Variants in ENTREP2 observed in about 807,000 individuals in gnomAD.
ENTREP2 encodes the protein endosomal transmembrane epsin interactor 2.
chr15:29,223,154 A>T, the ENTREP2 span, among the ~76,000 whole-genome samples: 3 of 152,242 alleles, frequency 2.0e-5, no homozygotes, highest in South Asian at 6.2e-4. Flanking sequence ...TTTAAAGTTT[A>T]CTTTCTTTTA....
the ENTREP2 span, among the ~76,000 whole-genome samples, chr15:29,286,217 T>C: frequency 1.6e-4 from 24 of 152,256 alleles, no homozygotes; most frequent in Non-Finnish European, 3.1e-4. Flanking sequence ...AGTTACAAGA[T>C]TGGGGAAAAA....
chr15:29,615,726 C>T, the ENTREP2 span, among the ~76,000 whole-genome samples: 74 of 152,278 alleles, frequency 4.9e-4, no homozygotes, highest in African/African-American at 1.7e-3. Flanking sequence ...TTGTCCTACC[C>T]TACACTTCAG....
the ENTREP2 span, among the ~76,000 whole-genome samples, chr15:29,471,542 G>A: frequency 3.3e-5 from 5 of 152,274 alleles, no homozygotes; most frequent in African/African-American, 1.2e-4. Context: ...AGGAAGGGCT[G>A]GCAGATCCCT....
At chr15:29,664,139 T>C in the ENTREP2 span, among the ~76,000 whole-genome samples, 2 of 152,242 alleles carry the variant, frequency 1.3e-5, no homozygotes, top group African/African-American at 4.8e-5. Context: ...TCCTTTGTGC[T>C]ATAAACGTTA....
the ENTREP2 span, among the ~76,000 whole-genome samples, chr15:29,316,658 A>T: frequency 2.0e-5 from 3 of 152,202 alleles, no homozygotes; most frequent in Non-Finnish European, 4.4e-5. Context: ...GCTATAGCTG[A>T]GTAATGGATG....
chr15:29,188,408 C>T, the ENTREP2 span, among the ~76,000 whole-genome samples: 1 of 152,044 alleles, frequency 6.6e-6, no homozygotes, highest in African/African-American at 2.4e-5. Flanking sequence ...GCTCTCCCTC[C>T]CCTTGCCCCC....
At chr15:29,415,621 T>C in the ENTREP2 span, among the ~76,000 whole-genome samples, 1 of 152,140 alleles carries the variant, frequency 6.6e-6, no homozygotes, top group Admixed American at 6.6e-5. Context: ...ACCACTCCTA[T>C]TCAACATAGT....
At chr15:29,570,426 G>T in the ENTREP2 span, 4 of 989,520 alleles carry the variant, frequency 4.0e-6, no homozygotes, top group Non-Finnish European at 5.1e-6. Context: ...CCGCGGTGGC[G>T]TCCCGGCGGC....
At chr15:29,300,597 CA>C in the ENTREP2 span, among the ~76,000 whole-genome samples, 1 of 152,068 alleles carries the variant, frequency 6.6e-6, no homozygotes, top group Non-Finnish European at 1.5e-5. Context: ...AGGTACAGAA[CA>C]TAGTCTTTTT....
the ENTREP2 span, among the ~76,000 whole-genome samples, chr15:29,132,092 C>G: frequency 6.6e-6 from 1 of 152,154 alleles, no homozygotes; most frequent in Middle Eastern, 3.2e-3. Context: ...CCGACAGAGC[C>G]CGCCTTCTGC....
the ENTREP2 span, among the ~76,000 whole-genome samples, chr15:29,474,956 C>A: frequency 1.3e-5 from 2 of 152,086 alleles, no homozygotes; most frequent in Non-Finnish European, 2.9e-5. Context: ...CCCCATTTTC[C>A]CAATGTGGAA....
chr15:29,287,887 T>C, the ENTREP2 span, among the ~76,000 whole-genome samples: 1 of 152,218 alleles, frequency 6.6e-6, no homozygotes, highest in Admixed American at 6.5e-5. Flanking sequence ...CTGGTATTAA[T>C]GCAAGTATAG....
the ENTREP2 span, among the ~76,000 whole-genome samples, chr15:29,490,203 T>G: frequency 6.6e-6 from 1 of 152,076 alleles, no homozygotes; most frequent in Non-Finnish European, 1.5e-5. Flanking sequence ...CGTTAGTTCC[T>G]TGTGGTGTTC....
chr15:29,398,536 C>T, the ENTREP2 span, among the ~76,000 whole-genome samples: 1 of 151,890 alleles, frequency 6.6e-6, no homozygotes. Flanking sequence ...CCAGCCTGGC[C>T]AACATGGTAA....
At chr15:29,535,028 T>A in the ENTREP2 span, among the ~76,000 whole-genome samples, 6 of 151,938 alleles carry the variant, frequency 3.9e-5, no homozygotes, top group African/African-American at 1.2e-4. Context: ...GGAAGATCAC[T>A]TGAGATCAGG....
At chr15:29,359,308 A>G in the ENTREP2 span, among the ~76,000 whole-genome samples, 5 of 152,344 alleles carry the variant, frequency 3.3e-5, no homozygotes, top group Admixed American at 2.0e-4. Context: ...CAGGAAAACC[A>G]TAACTGTAAA....
At chr15:29,572,817 C>G in the ENTREP2 span, among the ~76,000 whole-genome samples, 6 of 146,002 alleles carry the variant, frequency 4.1e-5, no homozygotes, top group Non-Finnish European at 5.9e-5. Flanking sequence ...GGAGACTACA[C>G]AGTGCCCCCC....
At chr15:29,280,630 A>G in the ENTREP2 span, among the ~76,000 whole-genome samples, 17 of 152,244 alleles carry the variant, frequency 1.1e-4, no homozygotes, top group Middle Eastern at 6.8e-3. Context: ...ATGCCCCCCC[A>G]CACAGGTTAG....
chr15:29,264,248 T>G, the ENTREP2 span, among the ~76,000 whole-genome samples: 1 of 151,944 alleles, frequency 6.6e-6, no homozygotes, highest in South Asian at 2.1e-4. Context: ...AAAAGCCAGC[T>G]TTAAGGGGCT....
Sources: gnomAD v4.1 joint callset for allele counts (sites outside exome capture counted in the v4.1 genomes callset) on GRCh38, gnomAD v4.1.1 for gene constraint, MANE v1.5 for transcripts, NCBI Gene and HGNC (gene_info 2026-07-23, HGNC 2026-07-21) for gene names.